The following TNPO2 variants were observed in gnomAD, a reference collection of about 807,000 sequenced individuals.
TNPO2 encodes the protein transportin-2.
In TNPO2, 16 loss-of-function variants were observed where a neutral mutation model predicts 111.1. That is an observed-to-expected ratio of 0.14 (90% confidence interval 0.10 to 0.22). The LOEUF (loss-of-function observed/expected upper bound fraction) is 0.22. Among genes scored for constraint, TNPO2 ranks in the 10% least tolerant of loss-of-function variants. The probability of loss-of-function intolerance (pLI) is 1.00; values close to 1 mark genes in which losing one functional copy is unlikely to be tolerated. For synonymous variants in TNPO2, 481 were observed against 475.8 expected (o/e 1.01, Z -0.14); for missense variants, 530 against 1,173.7 (o/e 0.45, Z 8.01).
At position 12,705,451 on chromosome 19, in the gene TNPO2, G is replaced by A. The variant is rs745564316; in HGVS notation, c.1863+41C>T. 2.8e-5 allele frequency: 44 copies of A among 1,575,882 alleles called. No homozygotes were observed. In the South Asian group the frequency reaches 4.9e-4, roughly 17 times the overall value. On this transcript the variant is annotated intron_variant, in intron 17 of 25. Transcript: ENST00000425528. The surrounding 1 kb of genome is among the most constrained non-coding windows in gnomAD (Gnocchi z 7.2). ...GGTAAGTGGAGCAGGCCCGAGGCAG[G>A]CCAATGCAGAAGCACAGGTGACGGG...
rs1164740499 is a variant in TNPO2, at chr19:12,706,962, G to A, written c.1271-167C>T. ...AGCCAGGTAAAGGCAGGCACAGGAGGGGAAACAACAGAAGCCTCTCATCCC... is the reference window on the plus strand; with the variant it reads ...AGCCAGGTAAAGGCAGGCACAGGAGAGGAAACAACAGAAGCCTCTCATCCC... On this transcript the variant is annotated intron_variant, in intron 13 of 25. Coordinates refer to ENST00000425528, the MANE Select transcript of TNPO2 (RefSeq NM_001382241.1). This position sits in a 1 kb window ranked among gnomAD's most constrained non-coding sequence, Gnocchi z 7.0. 2.0e-5 allele frequency among the ~76,000 whole-genome samples: 3 copies of A among 152,148 alleles called. No homozygotes were observed.
rs890489656 is a variant in TNPO2 at position 12,702,393 on chromosome 19, T to G, written c.2306-216A>C. 1 of 672,602 alleles carries G rather than the reference T, an allele frequency of 1.5e-6. No homozygotes were observed. The highest frequency in any genetic ancestry group is 1.8e-5 in the African/African-American group (1 of 56,130). 41.7% of individuals were successfully genotyped at this position (672,602 alleles called of 1,614,324 possible). A position where few individuals can be genotyped will look rare whatever the true frequency, so the allele number is the denominator to read the frequency against. ...TCCTTTCCCTTTCCTTTTTGTTTTT[T>G]TTTGTTTTGTTTTGTTTTTGAGATG... On this transcript the variant is annotated intron_variant, in intron 21 of 25. Transcript: ENST00000425528. The surrounding 1 kb of genome is among the most constrained non-coding windows in gnomAD (Gnocchi z 5.5).
rs1568330253 is a variant in TNPO2, at chr19:12,701,228, C to T, written c.*36G>A. On this transcript the variant is annotated 3_prime_UTR_variant, in exon 26 of 26. Coordinates refer to ENST00000425528, the MANE Select transcript of TNPO2 (RefSeq NM_001382241.1). The surrounding 1 kb of genome is among the most constrained non-coding windows in gnomAD (Gnocchi z 5.0). The stretch of plus-strand genomic sequence containing the variant: ...CACTCCCCAGTAATCCCTCCGACGA[C>T]GACGCAGACAGAAACCTGCAGGGGG... 3.8e-6 allele frequency: 3 copies of T among 797,338 alleles called. No homozygotes were observed. The highest frequency in any genetic ancestry group is 1.7e-5 in the South Asian group (1 of 58,226). The allele number at this position is 797,338 out of a possible 1,614,324, so 49.4% of individuals were successfully genotyped here.
At chr19:12,718,958 A>G in intron 5 of TNPO2, 71 bp downstream of exon 5, 1 of 1,575,960 alleles carries the variant, frequency 6.3e-7, no homozygotes. Context: ...TCCATGAAGC[A>G]CTACACTTAA....
Position 12,701,710 on chromosome 19 carries a change from G to GC in TNPO2, c.2512-39dup, listed in dbSNP as rs766016178. The GC allele has an allele frequency of 6.2e-7, 1 of 1,613,208 alleles. No individual in the cohort carries two copies. The highest frequency in any genetic ancestry group is 2.2e-5 in the East Asian group (1 of 44,878). On this transcript the variant is annotated intron_variant, in intron 23 of 25. Coordinates refer to ENST00000425528, the MANE Select transcript of TNPO2 (RefSeq NM_001382241.1). This position sits in a 1 kb window ranked among gnomAD's most constrained non-coding sequence, Gnocchi z 5.0. ...GGATCCCAGGTGAGGGGCCGCCCGA[G>GC]CCCAGCGCCCGCGCCTGCCCTCAGA...
chr19:12,722,311 CG>C (rs1967031416), intron 2 of TNPO2: 1 of 151,482 alleles, frequency 6.6e-6, no homozygotes, highest in African/African-American at 2.4e-5. Flanking sequence ...CTCCCCCGCC[CG>C]GCCCGTTCTA....
chr19:12,710,622 C>T lies in TNPO2; in HGVS notation c.1269G>A (p.Glu423=), dbSNP rs893772854. 2 of 1,613,058 alleles carry T rather than the reference C, an allele frequency of 1.2e-6. No individual in the cohort carries two copies. Residue 423 remains glutamate (E), a splice_region_variant and synonymous_variant, in exon 13 of 26, where the codon GAG becomes GAA. Transcript: ENST00000425528. The part of the protein sequence containing the change: ...SGILVLGAIA[E]GCMQGMVPYL... ...GGCTCAGAGATCAGGCGCACTCACC[C>T]TCAGCAATGGCGCCCAGCACCAGGA...
chr19:12,716,308 GAAGTA>G (rs2026363828), intron 5 of TNPO2, among the ~76,000 whole-genome samples: 1 of 152,170 alleles, frequency 6.6e-6, no homozygotes, highest in African/African-American at 2.4e-5. Flanking sequence ...AGCAAGCTAT[GAAGTA>G]AAGATAAATT....
At chr19:12,714,318 T>C (rs796882862) in intron 10 of TNPO2, among the ~76,000 whole-genome samples, 46 of 150,652 alleles carry the variant, frequency 3.1e-4, no homozygotes, top group African/African-American at 1.1e-3. Flanking sequence ...TCATTTCTTT[T>C]TTTTTTTTTT....
intron 18 of TNPO2, among the ~76,000 whole-genome samples, chr19:12,704,299 G>A (rs2025495320): frequency 6.6e-6 from 1 of 151,340 alleles, no homozygotes; most frequent in South Asian, 2.1e-4. Context: ...AACCCTGGAG[G>A]TGAAGGTTGC....
intron 13 of TNPO2, among the ~76,000 whole-genome samples, chr19:12,708,361 G>A (rs184998450): frequency 1.6e-4 from 24 of 147,346 alleles, no homozygotes; most frequent in Admixed American, 1.6e-3. Context: ...TGAACCCCTG[G>A]CATCAGGTGA....
Position 12,699,464 on chromosome 19 carries a change from TAAA to T in TNPO2, c.*1797_*1799del, listed in dbSNP as rs141687742. The stretch of plus-strand genomic sequence containing the variant: ...ATTAAAAAATTAAATAGTTTTTTTT[TAAA>T]AAAAAAAAAAAAAAGGAAAACGAGA... On this transcript the variant is annotated 3_prime_UTR_variant, in exon 26 of 26. Coordinates refer to ENST00000425528, the MANE Select transcript of TNPO2 (RefSeq NM_001382241.1). 2 of 118,990 alleles carry T rather than the reference TAAA, an allele frequency of 1.7e-5. No homozygotes were observed. The highest frequency in any genetic ancestry group is 1.6e-5 in the Non-Finnish European group (1 of 62,688). 7.4% of individuals were successfully genotyped at this position (118,990 alleles called of 1,614,324 possible).
chr19:12,701,110 G>A lies in TNPO2; in HGVS notation c.*154C>T, dbSNP rs1177041761. The A allele has an allele frequency of 2.4e-5, 11 of 465,778 alleles. No homozygotes were observed. Among genetic ancestry groups the A allele is most frequent in the South Asian group, 6.6e-5 (2 of 30,232 alleles). The allele number at this position is 465,778 out of a possible 1,614,324, so 28.9% of individuals were successfully genotyped here. ...AGGGCAAGTGGACGGATGGACGGAC[G>A]GACGGACGGACGGGGAAGGCATCTG... On this transcript the variant is annotated 3_prime_UTR_variant, in exon 26 of 26. Coordinates refer to ENST00000425528, the MANE Select transcript of TNPO2 (RefSeq NM_001382241.1). This position sits in a 1 kb window ranked among gnomAD's most constrained non-coding sequence, Gnocchi z 5.0.
Position 12,699,226 on chromosome 19 carries a change from A to T in TNPO2, c.*2038T>A, listed in dbSNP as rs895747120. 7.0e-6 allele frequency: 3 copies of T among 429,044 alleles called. No individual in the cohort carries two copies. The highest frequency in any genetic ancestry group is 6.2e-5 in the African/African-American group (3 of 48,256). 26.6% of individuals were successfully genotyped at this position (429,044 alleles called of 1,614,324 possible). The stretch of plus-strand genomic sequence containing the variant: ...TTCACAAGAAACTGATCTTTACTCA[A>T]CAAAGTTCTACACAAGTGGAATCTC... On this transcript the variant is annotated 3_prime_UTR_variant, in exon 26 of 26. Transcript: ENST00000425528.
chr19:12,710,760 C>T lies in TNPO2; in HGVS notation c.1131G>A (p.Ala377=), dbSNP rs371583839. 1.1e-5 allele frequency: 18 copies of T among 1,610,574 alleles called. No homozygotes were observed. The highest frequency in any genetic ancestry group is 8.0e-5 in the African/African-American group (6 of 74,778). The stretch of plus-strand genomic sequence containing the variant: ...CATTGGCGAGGACGTCCAGTGCAGC[C>T]GCTGAGCACTTCCCTGGGGAAGGGG... ...LSDWNLRKCS[A]AALDVLANVF... Residue 377 remains alanine (A), a synonymous_variant, in exon 13 of 26, where the codon GCG becomes GCA. Coordinates refer to ENST00000425528, the MANE Select transcript of TNPO2 (RefSeq NM_001382241.1).
At position 12,705,369 on chromosome 19, in the gene TNPO2, C is replaced by A; in HGVS notation, c.1893G>T (p.Glu631Asp). The change falls in exon 18 of 26, where the codon GAG becomes GAT. Residue 631 changes from glutamate to aspartate, a missense_variant. Physicochemically the swap from Glu to Asp is conservative, Grantham distance 45. Coordinates refer to ENST00000425528, the MANE Select transcript of TNPO2 (RefSeq NM_001382241.1). This position sits in a 1 kb window ranked among gnomAD's most constrained non-coding sequence, Gnocchi z 7.2. ...CGATCATGAAGTCCTTGTCGGGAGC[C>A]TCATACTGCTCAGGGTGCTGGGTGT... ...MMYTQHPEQY[E>D]APDKDFMIVA... 1 of 1,586,406 alleles carries A rather than the reference C, an allele frequency of 6.3e-7. No homozygotes were observed. The highest frequency in any genetic ancestry group is 8.6e-7 in the Non-Finnish European group (1 of 1,166,588).
intron 5 of TNPO2, among the ~76,000 whole-genome samples, chr19:12,718,507 T>C (rs1035321857): frequency 7.2e-5 from 11 of 152,074 alleles, no homozygotes; most frequent in African/African-American, 2.7e-4. Context: ...GGTTTCACCA[T>C]GTTGGCCAGG....
At chr19:12,704,634 G>A (rs529571580) in intron 18 of TNPO2, among the ~76,000 whole-genome samples, 74 of 152,252 alleles carry the variant, frequency 4.9e-4, no homozygotes, top group Non-Finnish European at 9.3e-4. Context: ...GATACAGAGA[G>A]CCAACTGTGC....
chr19:12,713,744 G>A (rs1568337043), intron 10 of TNPO2, among the ~76,000 whole-genome samples: 1 of 152,000 alleles, frequency 6.6e-6, no homozygotes, highest in Non-Finnish European at 1.5e-5. Flanking sequence ...TAATGATCTG[G>A]GGGCTGGGTA....
Sources: allele counts gnomAD v4.1 joint callset (sites outside exome capture counted in the v4.1 genomes callset), GRCh38; gene constraint gnomAD v4.1.1; non-coding constraint Gnocchi (gnomAD v3.1); transcripts MANE v1.5; gene names NCBI Gene and HGNC (gene_info 2026-07-23, HGNC 2026-07-21).